PRKN: variants seen among roughly 807,000 people sequenced by gnomAD.
The protein encoded by PRKN is parkin RBR E3 ubiquitin protein ligase.
Under a neutral mutation model 59.5 loss-of-function variants are expected in PRKN, and 56 were observed. The ratio of observed to expected loss-of-function variants is 0.94; its 90% CI spans 0.76 to 1.18. The LOEUF (loss-of-function observed/expected upper bound fraction) is 1.18. Ranked by LOEUF, PRKN falls within the 50% of genes most tolerant of loss-of-function variation. The pLI, the probability that PRKN is intolerant of heterozygous loss-of-function variation, is 0.00. For synonymous variants in PRKN, 250 were observed against 222.1 expected (o/e 1.13, Z -1.12); for missense variants, 657 against 596.4 (o/e 1.10, Z -1.06).
chr6:162,616,104 G>C (rs1223814677), intron 1 of PRKN, among the ~76,000 whole-genome samples: 1 of 152,154 alleles, frequency 6.6e-6, no homozygotes, highest in Non-Finnish European at 1.5e-5. Context: ...GTATCCAAAT[G>C]TATCCTTCTC....
At chr6:162,644,675 T>C (rs554772177) in intron 1 of PRKN, among the ~76,000 whole-genome samples, 35 of 152,312 alleles carry the variant, frequency 2.3e-4, no homozygotes, top group Admixed American at 1.7e-3. Flanking sequence ...AGTAAACTTG[T>C]AGCTAGCTAA....
intron 4 of PRKN, among the ~76,000 whole-genome samples, chr6:162,163,387 G>C (rs901536490): frequency 1.3e-5 from 2 of 149,482 alleles, no homozygotes; most frequent in South Asian, 4.2e-4. Context: ...ATTAATAGAA[G>C]CTTCTAATCT....
At chr6:161,660,440 G>GA (rs1256113795) in intron 7 of PRKN, among the ~76,000 whole-genome samples, 2 of 151,972 alleles carry the variant, frequency 1.3e-5, no homozygotes, top group African/African-American at 4.8e-5. Context: ...CCATTCAAAG[G>GA]AAAAAACAGG....
intron 2 of PRKN, among the ~76,000 whole-genome samples, chr6:162,438,089 G>A (rs1026122041): frequency 2.6e-5 from 4 of 152,078 alleles, no homozygotes; most frequent in African/African-American, 9.7e-5. Flanking sequence ...CCAGCATTTG[G>A]TGTTGTCTTT....
In PRKN at chr6:161,352,021, G is replaced by C. The variant is rs1218495478; in HGVS notation, c.1286-1810C>G. ...TCAGTCGCTGTGGGGGAACTGAAGG[G>C]AGGAGGAAGTGATTTGTATGAGGAT... On this transcript the variant is annotated intron_variant, in intron 11 of 11. Transcript: ENST00000366898. The surrounding 1 kb of genome is among the most constrained non-coding windows in gnomAD (Gnocchi z 5.8). Among the ~76,000 whole-genome samples, 2 of 152,192 alleles carry C rather than the reference G, an allele frequency of 1.3e-5. No homozygotes were observed. Among genetic ancestry groups the C allele is most frequent in the Admixed American group, 1.3e-4 (2 of 15,276 alleles).
Position 161,458,345 on chromosome 6 carries a change from AGCATCTCGGGT to A in PRKN, c.1084-71479_1084-71469del. On this transcript the variant is annotated intron_variant, in intron 9 of 11. Coordinates refer to ENST00000366898, the MANE Select transcript of PRKN (RefSeq NM_004562.3). This position sits in a 1 kb window ranked among gnomAD's most constrained non-coding sequence, Gnocchi z 6.1. ...GGGGAATTGTGAAGCACTTTCATCC[AGCATCTCGGGT>A]GCCTGGTGTGATCGACCATAAGTGC... 6.6e-6 allele frequency among the ~76,000 whole-genome samples: 1 copy of A among 152,132 alleles called. No homozygotes were observed. The highest frequency in any genetic ancestry group is 1.5e-5 in the Non-Finnish European group (1 of 68,002).
Position 161,466,637 on chromosome 6 carries a change from G to A in PRKN, c.1084-79760C>T, listed in dbSNP as rs1263738283. ...TTTGCCATCCTCTCTGGTAAGGACT[G>A]CACTCAAAGTAACAGGAGGGCCTAA... is the stretch of plus-strand genomic sequence containing the variant. On this transcript the variant is annotated intron_variant, in intron 9 of 11. Transcript: ENST00000366898. The surrounding 1 kb of genome is among the most constrained non-coding windows in gnomAD (Gnocchi z 5.0). Among the ~76,000 whole-genome samples the A allele has an allele frequency of 5.3e-5, 8 of 152,172 alleles. No individual in the cohort carries two copies. The highest frequency in any genetic ancestry group is 5.2e-4 in the Admixed American group (8 of 15,280).
chr6:161,422,998 AT>A, intron 9 of PRKN, among the ~76,000 whole-genome samples: 1 of 152,164 alleles, frequency 6.6e-6, no homozygotes, highest in African/African-American at 2.4e-5. Flanking sequence ...CAGACATTTT[AT>A]TTGTGTCTTT....
chr6:161,490,126 T>C (rs376883211), intron 9 of PRKN, among the ~76,000 whole-genome samples: 3 of 152,132 alleles, frequency 2.0e-5, no homozygotes, highest in African/African-American at 7.2e-5. Flanking sequence ...TTTCCTCCTC[T>C]AGTCAAGTTG....
chr6:162,556,366 T>TGTGTGTGTGC (rs1554243445), intron 1 of PRKN, among the ~76,000 whole-genome samples: 2,142 of 98,308 alleles, frequency 0.022, 94 homozygotes, highest in African/African-American at 0.04. Context: ...TGTGTGTGTG[T>TGTGTGTGTGC]GTGTGTGTGT....
chr6:161,997,673 T>C lies in PRKN; in HGVS notation c.619-24256A>G, dbSNP rs147735405. On this transcript the variant is annotated intron_variant, in intron 5 of 11. Transcript: ENST00000366898. The stretch of plus-strand genomic sequence containing the variant: ...ATTCTGTGGTGACTGTGAAATACTC[T>C]TCCTCACTCTACATGTACAAATCTA... 1.6e-3 allele frequency among the ~76,000 whole-genome samples: 249 copies of C among 152,288 alleles called. 2 individuals are homozygous for C. Among genetic ancestry groups the C allele is most frequent in the African/African-American group, 5.7e-3 (238 of 41,570 alleles).
intron 7 of PRKN, among the ~76,000 whole-genome samples, chr6:161,635,900 T>A (rs1783496202): frequency 6.6e-6 from 1 of 152,228 alleles, no homozygotes; most frequent in African/African-American, 2.4e-5. Flanking sequence ...TGATATTTCA[T>A]CAAATTTTTG....
At chr6:162,420,223 C>G (rs1973883) in intron 2 of PRKN, among the ~76,000 whole-genome samples, 2 of 148,460 alleles carry the variant, frequency 1.3e-5, no homozygotes, top group African/African-American at 2.5e-5. Flanking sequence ...TCATAAGGAG[C>G]GTGCAACCTA....
At chr6:161,862,134 C>T (rs984739780) in intron 6 of PRKN, among the ~76,000 whole-genome samples, 83 of 152,124 alleles carry the variant, frequency 5.5e-4, no homozygotes, top group African/African-American at 2.0e-3. Context: ...TGACTCAAAT[C>T]AAGAGCCTTA....
chr6:161,551,956 G>T lies in PRKN; in HGVS notation c.934-2953C>A, dbSNP rs1780034967. Among the ~76,000 whole-genome samples, 1 of 152,106 alleles carries T rather than the reference G, an allele frequency of 6.6e-6. No individual in the cohort carries two copies. Among genetic ancestry groups the T allele is most frequent in the African/African-American group, 2.4e-5 (1 of 41,410 alleles). ...AGCAGGCAGCCATCCTTAGGAAGAG[G>T]AGGCCCGGCTGAGTGCTTAGGCCCA... On this transcript the variant is annotated intron_variant, in intron 8 of 11. Transcript: ENST00000366898. The surrounding 1 kb of genome is among the most constrained non-coding windows in gnomAD (Gnocchi z 5.2).
intron 1 of PRKN, among the ~76,000 whole-genome samples, chr6:162,719,301 G>T (rs1473735495): frequency 7.2e-5 from 11 of 152,144 alleles, no homozygotes; most frequent in African/African-American, 2.7e-4. Flanking sequence ...GCCCAGAGAA[G>T]CAGCACCTCA....
Position 161,690,270 on chromosome 6 carries a change from C to T in PRKN, c.871+95502G>A, listed in dbSNP as rs184286513. Among the ~76,000 whole-genome samples the T allele has an allele frequency of 1.6e-3, 243 of 152,244 alleles. 3 individuals are homozygous for T. The highest frequency in any genetic ancestry group is 5.5e-3 in the African/African-American group (228 of 41,542). Reference sequence around the variant, plus strand: ...GTCCTGGCAATGGAAGGCACTGCTGCGCACCCTCCTTACACTCTGGCCATT... The same window carrying T: ...GTCCTGGCAATGGAAGGCACTGCTGTGCACCCTCCTTACACTCTGGCCATT... On this transcript the variant is annotated intron_variant, in intron 7 of 11. Transcript: ENST00000366898.
intron 1 of PRKN, among the ~76,000 whole-genome samples, chr6:162,580,216 G>C (rs114589506): frequency 1.3e-5 from 2 of 152,028 alleles, no homozygotes; most frequent in Non-Finnish European, 2.9e-5. Context: ...GCAAGCAGAC[G>C]GCTTGAGCCC....
intron 3 of PRKN, among the ~76,000 whole-genome samples, chr6:162,246,012 G>T (rs1038305060): frequency 6.6e-6 from 1 of 152,060 alleles, no homozygotes; most frequent in African/African-American, 2.4e-5. Flanking sequence ...TTCTTTTGAC[G>T]CATGACTGAA....
Sources: allele counts gnomAD v4.1 joint callset (sites outside exome capture counted in the v4.1 genomes callset), GRCh38; gene constraint gnomAD v4.1.1; non-coding constraint Gnocchi (gnomAD v3.1); transcripts MANE v1.5; gene names NCBI Gene and HGNC (gene_info 2026-07-23, HGNC 2026-07-21).